The following ZFYVE9 variants were observed in gnomAD, a reference collection of about 807,000 sequenced individuals.
The protein encoded by ZFYVE9 is zinc finger FYVE domain-containing protein 9.
In ZFYVE9, 43 loss-of-function variants were observed where a neutral mutation model predicts 126.7. The ratio of observed to expected loss-of-function variants is 0.34; its 90% CI spans 0.27 to 0.44. The LOEUF (loss-of-function observed/expected upper bound fraction) is 0.44. Among genes scored for constraint, ZFYVE9 ranks in the 20% least tolerant of loss-of-function variants. The probability of loss-of-function intolerance (pLI) is 1.00; values close to 1 mark genes in which losing one functional copy is unlikely to be tolerated. For synonymous variants in ZFYVE9, 521 were observed against 597.4 expected (o/e 0.87, Z 1.87); for missense variants, 1,476 against 1,697.0 (o/e 0.87, Z 2.29).
chr1:52,285,713 T>C (rs1486961333), intron 10 of ZFYVE9, among the ~76,000 whole-genome samples: 1 of 152,116 alleles, frequency 6.6e-6, no homozygotes, highest in East Asian at 1.9e-4. Flanking sequence ...TCATGACATA[T>C]TACAATGTAA....
Position 52,233,247 on chromosome 1 carries a change from A to C in ZFYVE9, c.41A>C (p.Lys14Thr). ...YFQAEAYNLDKVLDEFEQNED... is the reference protein window; with the variant it reads ...YFQAEAYNLDTVLDEFEQNED... ...CAAGCAGAAGCTTACAACCTGGACAAGGTGTTAGATGAATTTGAACAAAAC... is the reference window on the plus strand; with the variant it reads ...CAAGCAGAAGCTTACAACCTGGACACGGTGTTAGATGAATTTGAACAAAAC... Residue 14 changes from lysine (K) to threonine (T), a missense_variant, in exon 3 of 19, where the codon AAG becomes ACG. Around this residue, in one of 2 missense-constraint regions of ZFYVE9, gnomAD observed 807 missense variants for 794.6 expected, o/e 1.02. Coordinates refer to ENST00000287727, the MANE Select transcript of ZFYVE9 (RefSeq NM_004799.4). The C allele has an allele frequency of 6.3e-7, 1 of 1,586,182 alleles. No homozygotes were observed. Among genetic ancestry groups the C allele is most frequent in the South Asian group, 1.2e-5 (1 of 85,526 alleles).
intron 4 of ZFYVE9, among the ~76,000 whole-genome samples, chr1:52,261,514 C>CCA (rs1237198070): frequency 6.6e-6 from 1 of 152,202 alleles, no homozygotes; most frequent in Non-Finnish European, 1.5e-5. Context: ...CATTGGGTAG[C>CCA]TTGGTGCCCA....
intron 1 of ZFYVE9, among the ~76,000 whole-genome samples, chr1:52,211,722 A>C (rs191240260): frequency 4.0e-4 from 61 of 152,346 alleles, no homozygotes; most frequent in African/African-American, 1.4e-3. Context: ...CAGATACTGA[A>C]TTTGTTTACA....
At chr1:52,289,666 A>G (rs1053739306) in intron 10 of ZFYVE9, among the ~76,000 whole-genome samples, 3 of 152,146 alleles carry the variant, frequency 2.0e-5, no homozygotes, top group Admixed American at 6.5e-5. Flanking sequence ...TCTTTGTCAA[A>G]TTCTTATACC....
At chr1:52,300,311 G>T (rs1438894892) in intron 12 of ZFYVE9, among the ~76,000 whole-genome samples, 1 of 152,158 alleles carries the variant, frequency 6.6e-6, no homozygotes, top group Non-Finnish European at 1.5e-5. Flanking sequence ...AAAAGTCTTG[G>T]CTGGGCGTAG....
intron 3 of ZFYVE9, among the ~76,000 whole-genome samples, chr1:52,235,794 C>T (rs1645268022): frequency 6.6e-6 from 1 of 152,078 alleles, no homozygotes; most frequent in African/African-American, 2.4e-5. Flanking sequence ...GTTCTTCTTG[C>T]CTTCATGAAT....
intron 1 of ZFYVE9, among the ~76,000 whole-genome samples, chr1:52,215,886 T>TC (rs1273909253): frequency 6.6e-6 from 1 of 152,088 alleles, no homozygotes; most frequent in African/African-American, 2.4e-5. Context: ...ATCAAGAGAC[T>TC]CCATTTGGAG....
At chr1:52,284,840 T>C (rs954527484) in intron 10 of ZFYVE9, among the ~76,000 whole-genome samples, 2 of 152,094 alleles carry the variant, frequency 1.3e-5, no homozygotes, top group Non-Finnish European at 1.5e-5. Context: ...TAGTCTAAGG[T>C]CAGACTATAA....
At chr1:52,308,985 T>C (rs1258050472) in intron 13 of ZFYVE9, among the ~76,000 whole-genome samples, 1 of 152,204 alleles carries the variant, frequency 6.6e-6, no homozygotes, top group African/African-American at 2.4e-5. Context: ...GTGAAATTTA[T>C]TGCAAGTATA....
intron 10 of ZFYVE9, among the ~76,000 whole-genome samples, chr1:52,285,211 T>C (rs778480101): frequency 5.3e-5 from 8 of 152,308 alleles, no homozygotes; most frequent in South Asian, 2.1e-4. Context: ...AACACAGATA[T>C]ATTATCTATA....
rs544905318 is a variant in ZFYVE9, at chr1:52,159,956, C to T, written c.-143+17553C>T. Reference sequence around the variant, plus strand: ...GACTACAGGCACCCGCCACCATGCCCGGCTAATTTTTTTGTATTTTTAGTA... The same window carrying T: ...GACTACAGGCACCCGCCACCATGCCTGGCTAATTTTTTTGTATTTTTAGTA... On this transcript the variant is annotated intron_variant, in intron 1 of 18. Transcript: ENST00000287727. Among the ~76,000 whole-genome samples the T allele has an allele frequency of 4.3e-3, 653 of 151,808 alleles. 1 individual carries two copies. The highest frequency in any genetic ancestry group is 6.9e-3 in the Admixed American group (105 of 15,254).
chr1:52,337,487 T>C (rs997234171), intron 15 of ZFYVE9, among the ~76,000 whole-genome samples: 2 of 152,206 alleles, frequency 1.3e-5, no homozygotes, highest in African/African-American at 4.8e-5. Flanking sequence ...AACAAAATAT[T>C]CAGTGTGTCC....
At position 52,263,671 on chromosome 1, in the gene ZFYVE9, A is replaced by T. The variant is rs189619259; in HGVS notation, c.2179-102A>T. On this transcript the variant is annotated intron_variant, in intron 4 of 18. Transcript: ENST00000287727. ...TTTGAAACTTTAGTATTGTAGTTTA[A>T]TAAGGTTCACTGACAATCAGTGTTT... The T allele has an allele frequency of 1.4e-3, 765 of 541,076 alleles. 2 individuals carry two copies. The highest frequency in any genetic ancestry group is 3.3e-3 in the Admixed American group (94 of 28,176). 33.5% of individuals were successfully genotyped at this position (541,076 alleles called of 1,614,324 possible). A position where few individuals can be genotyped will look rare whatever the true frequency, so the allele number is the denominator to read the frequency against.
At chr1:52,172,965 C>T (rs1354259652) in intron 1 of ZFYVE9, among the ~76,000 whole-genome samples, 1 of 151,914 alleles carries the variant, frequency 6.6e-6, no homozygotes, top group Non-Finnish European at 1.5e-5. Flanking sequence ...AATTTGACTT[C>T]CTCTTTTCCT....
chr1:52,279,928 C>T (rs555237505), intron 9 of ZFYVE9, among the ~76,000 whole-genome samples: 2 of 152,300 alleles, frequency 1.3e-5, no homozygotes, highest in African/African-American at 4.8e-5. Flanking sequence ...AGAAGTTCTA[C>T]ATTGATGAAA....
chr1:52,296,091 G>A, intron 12 of ZFYVE9, 114 bp downstream of exon 12: 3 of 745,216 alleles, frequency 4.0e-6, no homozygotes, highest in Non-Finnish European at 6.6e-6. Flanking sequence ...GGCAGGTAAA[G>A]ATATATGCTG....
At chr1:52,174,989 G>A (rs954012430) in intron 1 of ZFYVE9, among the ~76,000 whole-genome samples, 5,282 of 152,106 alleles carry the variant, frequency 0.035, 339 homozygotes, top group African/African-American at 0.12. Flanking sequence ...TAATTGGAGC[G>A]TTTAGTCCAT....
rs546557407 is a variant in ZFYVE9 at position 52,244,090 on chromosome 1, G to A, written c.2178+4495G>A. Among the ~76,000 whole-genome samples the A allele has an allele frequency of 2.6e-5, 4 of 152,296 alleles. No individual in the cohort carries two copies. In the East Asian group the frequency reaches 7.7e-4, roughly 29 times the overall value. ...GGGACCATTGGACTTGGCTATAACA[G>A]GGTCATTGAAAAAAGCTGATTGAGT... On this transcript the variant is annotated intron_variant, in intron 4 of 18. Coordinates refer to ENST00000287727, the MANE Select transcript of ZFYVE9 (RefSeq NM_004799.4).
At chr1:52,269,794 GTT>G (rs201237685) in intron 7 of ZFYVE9, among the ~76,000 whole-genome samples, 1 of 143,950 alleles carries the variant, frequency 6.9e-6, no homozygotes, top group African/African-American at 2.5e-5. Flanking sequence ...GTTTGTTTTG[GTT>G]TTTTTTTTTG....
Sources: allele counts gnomAD v4.1 joint callset (sites outside exome capture counted in the v4.1 genomes callset), GRCh38; gene constraint gnomAD v4.1.1; regional missense constraint gnomAD v4.1.1; transcripts MANE v1.5; gene names NCBI Gene and HGNC (gene_info 2026-07-23, HGNC 2026-07-21).